Variants in FHIT observed in about 807,000 individuals in gnomAD.
FHIT encodes the protein fragile histidine triad diadenosine triphosphatase, also known as bis(5'-adenosyl)-triphosphatase.
FHIT carries 19 observed loss-of-function variants against 17.9 expected under a neutral mutation model. The ratio of observed to expected loss-of-function variants is 1.06; its 90% confidence interval spans 0.74 to 1.56. The LOEUF (loss-of-function observed/expected upper bound fraction) is 1.56. Among genes scored for constraint, FHIT ranks in the 40% most tolerant of loss-of-function variants. The pLI is 0.00. For missense variants in FHIT, 248 were observed against 189.2 expected, an observed-to-expected ratio of 1.31 and a Z score of -1.82; for synonymous variants, 81 against 69.7, an observed-to-expected ratio of 1.16 and a Z score of -0.81.
At chr3:61,176,023 T>C (rs917700354) in intron 2 of FHIT, among the ~76,000 whole-genome samples, 1 of 152,208 alleles carries the variant, frequency 6.6e-6, no homozygotes, top group Non-Finnish European at 1.5e-5. Context: ...CAAATCGTAA[T>C]TGACAAACAT....
intron 3 of FHIT, among the ~76,000 whole-genome samples, chr3:60,874,836 G>A (rs1210520709): frequency 6.6e-6 from 1 of 152,032 alleles, no homozygotes; most frequent in Non-Finnish European, 1.5e-5. Flanking sequence ...GTGTTGTCAT[G>A]GAATGATCAT....
intron 3 of FHIT, among the ~76,000 whole-genome samples, chr3:61,032,746 A>T (rs2033068091): frequency 6.6e-6 from 1 of 152,226 alleles, no homozygotes; most frequent in African/African-American, 2.4e-5. Flanking sequence ...TTCTCCAGAG[A>T]AGCAGAACCA....
rs1220817643 is a variant in FHIT, at chr3:60,660,727, C to CTTTTTTTTTTTTTTTTT, written c.-17-123749_-17-123748insAAAAAAAAAAAAAAAAA. On this transcript the variant is annotated intron_variant, in intron 4 of 9. Coordinates refer to ENST00000492590, the MANE Select transcript of FHIT (RefSeq NM_002012.4). ...ATGATGTGGAATATCTTTTATTGTG[C>CTTTTTTTTTTTTTTTTT]TCTTTTTTTTTTTTTTTTTTTTTGC... Among the ~76,000 whole-genome samples the CTTTTTTTTTTTTTTTTT allele has an allele frequency of 1.1e-3, 19 of 16,758 alleles. 1 individual carries two copies. The highest frequency in any genetic ancestry group is 2.2e-3 in the African/African-American group (16 of 7,346). The allele number at this position is 16,758 out of a possible 152,430, so 11.0% of individuals were successfully genotyped here.
At chr3:60,258,013 C>A (rs1037916680) in intron 5 of FHIT, among the ~76,000 whole-genome samples, 3 of 151,248 alleles carry the variant, frequency 2.0e-5, no homozygotes, top group African/African-American at 4.9e-5. Context: ...ACCTATGTAA[C>A]AAACCTGCAA....
At chr3:60,425,522 C>A (rs1056009774) in intron 5 of FHIT, among the ~76,000 whole-genome samples, 3 of 151,978 alleles carry the variant, frequency 2.0e-5, no homozygotes, top group Non-Finnish European at 4.4e-5. Context: ...GCACATGTAC[C>A]CCTGAACCTA....
chr3:60,371,765 G>A (rs185603163), intron 5 of FHIT, among the ~76,000 whole-genome samples: 2 of 151,762 alleles, frequency 1.3e-5, no homozygotes, highest in African/African-American at 4.8e-5. Context: ...AAGGTAGCAG[G>A]ACATTGGGGA....
intron 4 of FHIT, among the ~76,000 whole-genome samples, chr3:60,811,504 A>C (rs1457313325): frequency 6.6e-6 from 1 of 152,230 alleles, no homozygotes; most frequent in Admixed American, 6.5e-5. Context: ...CTCTGTTAGC[A>C]GTAGCGGTTA....
chr3:60,996,652 C>T (rs1292059406), intron 3 of FHIT, among the ~76,000 whole-genome samples: 4 of 152,194 alleles, frequency 2.6e-5, no homozygotes, highest in Non-Finnish European at 5.9e-5. Flanking sequence ...TACTCACATA[C>T]ATATAATCAA....
At chr3:60,022,139 C>G (rs1278846210) in intron 5 of FHIT, among the ~76,000 whole-genome samples, 1 of 152,102 alleles carries the variant, frequency 6.6e-6, no homozygotes, top group East Asian at 1.9e-4. Flanking sequence ...CTTTGGAAAC[C>G]TTGAGCATCA....
At chr3:60,011,242 A>G (rs1575878584) in intron 7 of FHIT, 129 bp downstream of exon 7, 1 of 805,876 alleles carries the variant, frequency 1.2e-6, no homozygotes, top group East Asian at 2.5e-5. Context: ...CGGCTCTAAC[A>G]CTGAGGGTCT....
chr3:60,128,193 C>G (rs1000749735), intron 5 of FHIT, among the ~76,000 whole-genome samples: 3 of 152,114 alleles, frequency 2.0e-5, no homozygotes, highest in Non-Finnish European at 4.4e-5. Flanking sequence ...TGGCTGTGTT[C>G]CCACTGAAAT....
intron 4 of FHIT, among the ~76,000 whole-genome samples, chr3:60,805,375 T>A (rs1439125308): frequency 6.6e-6 from 1 of 152,074 alleles, no homozygotes; most frequent in Non-Finnish European, 1.5e-5. Flanking sequence ...TCCTGAGGCC[T>A]CTCTCCCTGG....
chr3:60,543,339 C>G (rs868127390), intron 4 of FHIT, among the ~76,000 whole-genome samples: 5 of 151,956 alleles, frequency 3.3e-5, no homozygotes, highest in African/African-American at 1.2e-4. Context: ...ATTTATTATC[C>G]CATATAAATT....
At chr3:60,110,061 A>G (rs143591817) in intron 5 of FHIT, among the ~76,000 whole-genome samples, 1 of 152,168 alleles carries the variant, frequency 6.6e-6, no homozygotes, top group Non-Finnish European at 1.5e-5. Flanking sequence ...AATTAGCCCA[A>G]TGTTATGGCT....
intron 5 of FHIT, among the ~76,000 whole-genome samples, chr3:60,184,392 C>T (rs567564432): frequency 6.6e-6 from 1 of 152,146 alleles, no homozygotes; most frequent in Admixed American, 6.5e-5. Flanking sequence ...GTTTATGAGA[C>T]CTTTACTGTT....
At chr3:60,637,173 A>G (rs1455497488) in intron 4 of FHIT, among the ~76,000 whole-genome samples, 1 of 152,224 alleles carries the variant, frequency 6.6e-6, no homozygotes, top group African/African-American at 2.4e-5. Context: ...AGCAAAATGC[A>G]TAGGACACTT....
At chr3:60,538,209 A>T (rs951594937) in intron 4 of FHIT, among the ~76,000 whole-genome samples, 17 of 152,292 alleles carry the variant, frequency 1.1e-4, no homozygotes, top group Middle Eastern at 3.4e-3. Flanking sequence ...AGAGAATAAA[A>T]TACCTAGGAA....
rs547765507 is a variant in FHIT, at chr3:60,257,923, G to A, written c.104-243771C>T. On this transcript the variant is annotated intron_variant, in intron 5 of 9. Transcript: ENST00000492590. ...TCAACGGGGAGGAGAGAGAATATCC[G>A]GAAGAAGAGCTAATGGATGCTGGGC... 3.9e-5 allele frequency among the ~76,000 whole-genome samples: 6 copies of A among 152,176 alleles called. No individual in the cohort carries two copies. In the South Asian group the frequency reaches 6.2e-4, roughly 16 times the overall value.
At chr3:60,628,413 G>C (rs2039349760) in intron 4 of FHIT, among the ~76,000 whole-genome samples, 1 of 151,974 alleles carries the variant, frequency 6.6e-6, no homozygotes, top group Non-Finnish European at 1.5e-5. Flanking sequence ...AATATTGAAG[G>C]TTTTATCTCT....
Sources: allele counts gnomAD v4.1 joint callset (sites outside exome capture counted in the v4.1 genomes callset), GRCh38; gene constraint gnomAD v4.1.1; transcripts MANE v1.5; gene names NCBI Gene and HGNC (gene_info 2026-07-23, HGNC 2026-07-21).